Variants in ARHGEF4 observed in about 807,000 individuals in gnomAD.
The protein encoded by ARHGEF4 is Rho guanine nucleotide exchange factor 4, also known as APC-stimulated guanine nucleotide exchange factor 1.
In ARHGEF4, 119 loss-of-function variants were observed where a neutral mutation model predicts 162.0. The ratio of observed to expected loss-of-function variants is 0.73; its 90% confidence interval spans 0.63 to 0.86. The LOEUF (loss-of-function observed/expected upper bound fraction) is 0.86, where lower values mean the gene tolerates loss of function less well. Among genes scored for constraint, ARHGEF4 ranks in the 40% least tolerant of loss-of-function variants. ARHGEF4 has a pLI of 0.00. For synonymous variants in ARHGEF4, 1,014 were observed against 979.9 expected, an observed-to-expected ratio of 1.03 and a Z score of -0.65; for missense variants, 2,488 against 2,456.0, an observed-to-expected ratio of 1.01 and a Z score of -0.28.
At chr2:131,002,443 G>C (rs1687832018) in intron 4 of ARHGEF4, among the ~76,000 whole-genome samples, 1 of 152,078 alleles carries the variant, frequency 6.6e-6, no homozygotes, top group South Asian at 2.1e-4. Context: ...GGGCGTAGTG[G>C]CTCACGCCTG....
Position 130,916,899 on chromosome 2 carries a change from G to C in ARHGEF4, c.2953G>C (p.Asp985His). The C allele has an allele frequency of 1.9e-6, 3 of 1,550,446 alleles. No homozygotes were observed. The highest frequency in any genetic ancestry group is 2.6e-6 in the Non-Finnish European group (3 of 1,146,992). ...GPEVLSPAET[D>H]SHCEERAEDK... ...CGAAGTTCTCTCCCCAGCAGAGACC[G>C]ACAGCCACTGTGAGGAACGGGCGGA... is the stretch of plus-strand genomic sequence containing the variant. The change falls in exon 2 of 14, where the codon GAC becomes CAC. Residue 985 changes from aspartate to histidine, a missense_variant. Asp to His is a moderately conservative substitution (Grantham distance 81). Around this residue, in one of 6 missense-constraint regions of ARHGEF4, gnomAD observed 1,642 missense variants for 1,481.5 expected, o/e 1.11. Coordinates refer to ENST00000409359, the MANE Select transcript of ARHGEF4 (RefSeq NM_001367493.1).
chr2:131,015,399 T>C (rs1465850438), intron 4 of ARHGEF4, among the ~76,000 whole-genome samples: 1 of 152,126 alleles, frequency 6.6e-6, no homozygotes, highest in Non-Finnish European at 1.5e-5. Context: ...CCTGAGGAAA[T>C]CTGAACAAAA....
intron 5 of ARHGEF4, among the ~76,000 whole-genome samples, chr2:131,034,537 T>C (rs1027737529): frequency 6.6e-6 from 1 of 152,188 alleles, no homozygotes; most frequent in Non-Finnish European, 1.5e-5. Flanking sequence ...CATCCCTGCA[T>C]TCCTGCGCGA....
intron 1 of ARHGEF4, among the ~76,000 whole-genome samples, chr2:130,910,716 A>G (rs1030592226): frequency 6.6e-6 from 1 of 152,192 alleles, no homozygotes; most frequent in African/African-American, 2.4e-5. Flanking sequence ...GACATCTCCA[A>G]AGTAGGACCT....
In ARHGEF4 at chr2:131,046,300, T is replaced by C. The variant is rs1691255738; in HGVS notation, c.*111T>C. 13 of 1,167,822 alleles carry C rather than the reference T, an allele frequency of 1.1e-5. No individual in the cohort carries two copies. The highest frequency in any genetic ancestry group is 2.0e-4 in the Middle Eastern group (1 of 5,046). 72.3% of individuals were successfully genotyped at this position (1,167,822 alleles called of 1,614,324 possible). On this transcript the variant is annotated 3_prime_UTR_variant, in exon 14 of 14. Coordinates refer to ENST00000409359, the MANE Select transcript of ARHGEF4 (RefSeq NM_001367493.1). ...TCCTCTGCCTGCAAGTGAGCAGGGA[T>C]GGGCTGGGGAGTTGCTTGTGCCACC...
chr2:131,034,971 C>A, intron 5 of ARHGEF4: 1 of 983,560 alleles, frequency 1.0e-6, no homozygotes, highest in Non-Finnish European at 1.2e-6. Flanking sequence ...GCGCCGGCTT[C>A]GCGGGAGGAG....
In ARHGEF4 at chr2:130,879,442, G is replaced by T. The variant is rs368077459; in HGVS notation, c.40-34544G>T. On this transcript the variant is annotated intron_variant, in intron 1 of 13. Transcript: ENST00000409359. The stretch of plus-strand genomic sequence containing the variant: ...ATTACCTCTCATAACTTGCTTTTTT[G>T]ATGAGAACTGTCAAAATCTACCCTT... 3.6e-3 allele frequency among the ~76,000 whole-genome samples: 554 copies of T among 152,062 alleles called. 4 individuals carry two copies. The highest frequency in any genetic ancestry group is 0.013 in the African/African-American group (529 of 41,486).
At chr2:130,998,286 A>C (rs1364871352) in intron 4 of ARHGEF4, among the ~76,000 whole-genome samples, 1 of 152,138 alleles carries the variant, frequency 6.6e-6, no homozygotes, top group African/African-American at 2.4e-5. Context: ...GAGAGTACAG[A>C]GTGTTCCTAT....
At chr2:130,917,931 T>C (rs72992473) in intron 2 of ARHGEF4, among the ~76,000 whole-genome samples, 2,242 of 151,778 alleles carry the variant, frequency 0.015, 52 homozygotes, top group African/African-American at 0.051. Context: ...CAGGCAATTC[T>C]CTGCCTCAGC....
chr2:130,841,793 C>T (rs1680629377), intron 1 of ARHGEF4, among the ~76,000 whole-genome samples: 1 of 152,202 alleles, frequency 6.6e-6, no homozygotes, highest in African/African-American at 2.4e-5. Context: ...CACTGTATCC[C>T]TTCAGATGTC....
chr2:130,853,065 A>G (rs983623307), intron 1 of ARHGEF4, among the ~76,000 whole-genome samples: 2 of 152,146 alleles, frequency 1.3e-5, no homozygotes, highest in African/African-American at 2.4e-5. Flanking sequence ...AAGGCCATGC[A>G]TGTTTTGTGC....
chr2:130,844,408 C>A (rs957733911), intron 1 of ARHGEF4, among the ~76,000 whole-genome samples: 1 of 152,250 alleles, frequency 6.6e-6, no homozygotes, highest in African/African-American at 2.4e-5. Flanking sequence ...GCCCTGTTGG[C>A]CAGATGCAAA....
At chr2:131,037,467 G>A (rs1001652486) in intron 5 of ARHGEF4, among the ~76,000 whole-genome samples, 12 of 152,230 alleles carry the variant, frequency 7.9e-5, no homozygotes, top group African/African-American at 2.7e-4. Flanking sequence ...CCAGTGAAGT[G>A]AAAGGAGGGC....
intron 1 of ARHGEF4, among the ~76,000 whole-genome samples, chr2:130,903,654 T>C (rs1680643856): frequency 1.3e-5 from 2 of 152,202 alleles, no homozygotes. Context: ...GCCCAAGTAG[T>C]GAACATGGTA....
intron 4 of ARHGEF4, among the ~76,000 whole-genome samples, chr2:130,983,711 G>A (rs7577254): frequency 0.036 from 5,427 of 151,722 alleles, 354 homozygotes; most frequent in African/African-American, 0.12. Context: ...GTACAGTGGC[G>A]CCATCTCAGC....
intron 5 of ARHGEF4, 104 bp from the exon 6 acceptor site, chr2:131,038,749 T>A: frequency 7.5e-7 from 1 of 1,329,828 alleles, no homozygotes; most frequent in Non-Finnish European, 1.0e-6. Flanking sequence ...TGTAAAGAAG[T>A]CAGGATCCCC....
At chr2:131,044,616 G>T in intron 12 of ARHGEF4, 74 bp downstream of exon 12, 4 of 1,509,122 alleles carry the variant, frequency 2.7e-6, no homozygotes, top group Non-Finnish European at 3.6e-6. Context: ...CCGCCTGCCG[G>T]TCAGGAGAGC....
chr2:130,842,442 A>C (rs576168329), intron 1 of ARHGEF4, among the ~76,000 whole-genome samples: 1 of 152,280 alleles, frequency 6.6e-6, no homozygotes, highest in South Asian at 2.1e-4. Flanking sequence ...CTCGTACTTT[A>C]TGTAGAGTGG....
At chr2:130,964,670 G>A (rs58068672) in intron 4 of ARHGEF4, among the ~76,000 whole-genome samples, 22,113 of 152,290 alleles carry the variant, frequency 0.15, 1,967 homozygotes, top group South Asian at 0.28. Context: ...GAGGATGGAA[G>A]GGGGCCGCTG....
Sources: gnomAD v4.1 joint callset for allele counts (sites outside exome capture counted in the v4.1 genomes callset) on GRCh38, gnomAD v4.1.1 for gene constraint, gnomAD v4.1.1 regional missense constraint, MANE v1.5 for transcripts, NCBI Gene and HGNC (gene_info 2026-07-23, HGNC 2026-07-21) for gene names.